CDH12: variants seen among roughly 807,000 people sequenced by gnomAD.
CDH12 encodes the protein cadherin 12.
In CDH12, 41 loss-of-function variants were observed where a neutral mutation model predicts 74.1. That is an observed-to-expected ratio of 0.55 (90% confidence interval 0.43 to 0.72). The LOEUF (loss-of-function observed/expected upper bound fraction) is 0.72. Ranked by LOEUF, CDH12 falls within the 30% of genes least tolerant of loss-of-function variation. CDH12 has a pLI of 0.00. For missense variants in CDH12, 945 were observed against 977.2 expected, an observed-to-expected ratio of 0.97 and a Z score of 0.44; for synonymous variants, 399 against 355.0, an observed-to-expected ratio of 1.12 and a Z score of -1.39.
intron 4 of CDH12, among the ~76,000 whole-genome samples, chr5:22,081,027 C>T (rs1220435893): frequency 6.6e-6 from 1 of 152,104 alleles, no homozygotes; most frequent in Non-Finnish European, 1.5e-5. Flanking sequence ...GATCCACCTG[C>T]CTCAGCCTCC....
intron 2 of CDH12, among the ~76,000 whole-genome samples, chr5:22,464,979 T>G (rs1580677040): frequency 8.0e-6 from 1 of 124,834 alleles, no homozygotes. Flanking sequence ...CCAGCCTGGG[T>G]GAAAGAGTGA....
chr5:22,782,043 C>T (rs1009861074), intron 1 of CDH12, among the ~76,000 whole-genome samples: 1 of 152,114 alleles, frequency 6.6e-6, no homozygotes, highest in Non-Finnish European at 1.5e-5. Flanking sequence ...TGTCTGTACC[C>T]CACATTGTAT....
At chr5:21,756,384 T>C (rs1184403073) in intron 13 of CDH12, among the ~76,000 whole-genome samples, 1 of 152,068 alleles carries the variant, frequency 6.6e-6, no homozygotes. Context: ...ATAAGAAACA[T>C]GGAAAGGAAA....
At chr5:21,827,468 G>T (rs1279204092) in intron 8 of CDH12, among the ~76,000 whole-genome samples, 2 of 152,046 alleles carry the variant, frequency 1.3e-5, no homozygotes, top group African/African-American at 4.8e-5. Context: ...TTCTGCTACT[G>T]CACCCAAGAA....
At chr5:21,929,371 C>A (rs1754733556) in intron 6 of CDH12, among the ~76,000 whole-genome samples, 1 of 151,538 alleles carries the variant, frequency 6.6e-6, no homozygotes, top group Non-Finnish European at 1.5e-5. Flanking sequence ...ATGGTCCCTT[C>A]TGGGGTGATG....
At chr5:22,209,264 A>C (rs1182201964) in intron 4 of CDH12, among the ~76,000 whole-genome samples, 1 of 152,200 alleles carries the variant, frequency 6.6e-6, no homozygotes, top group South Asian at 2.1e-4. Context: ...TATTACCACA[A>C]TATCAACATG....
At chr5:22,072,387 C>T (rs1742002332) in intron 5 of CDH12, among the ~76,000 whole-genome samples, 1 of 152,020 alleles carries the variant, frequency 6.6e-6, no homozygotes, top group Admixed American at 6.6e-5. Context: ...AAACTTTTCC[C>T]CATACTACCA....
chr5:22,667,225 G>C (rs988673164), intron 1 of CDH12, among the ~76,000 whole-genome samples: 2 of 152,148 alleles, frequency 1.3e-5, no homozygotes, highest in African/African-American at 4.8e-5. Context: ...GTTGAGAGCT[G>C]AAAGTTATAA....
intron 4 of CDH12, among the ~76,000 whole-genome samples, chr5:22,131,599 T>C: frequency 6.6e-6 from 1 of 152,122 alleles, no homozygotes; most frequent in Non-Finnish European, 1.5e-5. Context: ...GATAGCCACA[T>C]CCTGAATGTG....
intron 8 of CDH12, among the ~76,000 whole-genome samples, chr5:21,826,498 C>T (rs998967579): frequency 3.3e-5 from 5 of 152,138 alleles, no homozygotes; most frequent in Non-Finnish European, 5.9e-5. Context: ...CAGACTCATA[C>T]TTCTTTTCTG....
At position 21,764,095 on chromosome 5, in the gene CDH12, C is replaced by CT. The variant is rs368087192; in HGVS notation, c.1515+882dup. 3.9e-3 allele frequency among the ~76,000 whole-genome samples: 591 copies of CT among 152,250 alleles called. 6 individuals carry two copies. Among genetic ancestry groups the CT allele is most frequent in the African/African-American group, 0.014 (574 of 41,538 alleles). Reference sequence around the variant, plus strand: ...TTCTTTAGAAATTTGTGTGTGGGGGCTGGGTGCGGTGGCTCATGCCTGTAA... The same window carrying CT: ...TTCTTTAGAAATTTGTGTGTGGGGGCTTGGGTGCGGTGGCTCATGCCTGTAA... On this transcript the variant is annotated intron_variant, in intron 12 of 14. Transcript: ENST00000382254.
rs139176545 is a variant in CDH12 at position 21,862,074 on chromosome 5, A to G, written c.527-7284T>C. Among the ~76,000 whole-genome samples the G allele has an allele frequency of 7.2e-5, 11 of 152,034 alleles. No individual in the cohort carries two copies. In the East Asian group the frequency reaches 1.9e-3, roughly 27 times the overall value. Reference sequence around the variant, plus strand: ...TTTTCTTTCGTGTGAATGTGTTTATATCTATGTGTGCATGTGTGGTATATA... The same window carrying G: ...TTTTCTTTCGTGTGAATGTGTTTATGTCTATGTGTGCATGTGTGGTATATA... On this transcript the variant is annotated intron_variant, in intron 6 of 14. Transcript: ENST00000382254.
chr5:22,769,809 C>A (rs764917580), intron 1 of CDH12, among the ~76,000 whole-genome samples: 1 of 151,948 alleles, frequency 6.6e-6, no homozygotes, highest in Non-Finnish European at 1.5e-5. Context: ...CTATGGAAAT[C>A]TAAGTTAGGA....
intron 11 of CDH12, among the ~76,000 whole-genome samples, chr5:21,769,335 A>G (rs904186040): frequency 6.6e-6 from 1 of 152,110 alleles, no homozygotes; most frequent in Non-Finnish European, 1.5e-5. Flanking sequence ...CTTAAAGATG[A>G]CATGAACCTG....
intron 1 of CDH12, among the ~76,000 whole-genome samples, chr5:22,682,112 A>C (rs928073321): frequency 1.3e-5 from 2 of 152,096 alleles, no homozygotes; most frequent in Admixed American, 6.6e-5. Flanking sequence ...CTGAAGAACA[A>C]TTTTCAAGCC....
At chr5:22,233,431 C>G (rs1752459500) in intron 3 of CDH12, among the ~76,000 whole-genome samples, 1 of 151,918 alleles carries the variant, frequency 6.6e-6, no homozygotes, top group African/African-American at 2.4e-5. Flanking sequence ...GTAAAAGGCC[C>G]TGAATGTTTC....
At chr5:21,834,256 A>G (rs1401532894) in intron 8 of CDH12, among the ~76,000 whole-genome samples, 3 of 151,922 alleles carry the variant, frequency 2.0e-5, no homozygotes, top group Non-Finnish European at 4.4e-5. Context: ...TATAACATAT[A>G]TATCTCATAT....
chr5:22,307,749 C>T (rs1026089767), intron 3 of CDH12, among the ~76,000 whole-genome samples: 2 of 151,888 alleles, frequency 1.3e-5, no homozygotes, highest in Non-Finnish European at 2.9e-5. Flanking sequence ...TGACAAACTG[C>T]TATCCCAACC....
intron 3 of CDH12, among the ~76,000 whole-genome samples, chr5:22,258,124 T>C (rs1753383652): frequency 6.6e-6 from 1 of 152,144 alleles, no homozygotes; most frequent in East Asian, 1.9e-4. Flanking sequence ...TTTTGTTTTT[T>C]ACCATCTTGT....
Sources: gnomAD v4.1 joint callset for allele counts (sites outside exome capture counted in the v4.1 genomes callset) on GRCh38, gnomAD v4.1.1 for gene constraint, MANE v1.5 for transcripts, NCBI Gene and HGNC (gene_info 2026-07-23, HGNC 2026-07-21) for gene names.